Variants in COPA observed in about 807,000 individuals in gnomAD.
COPA encodes the protein coat protein complex I subunit alpha.
A neutral mutation model predicts 158.7 loss-of-function variants in COPA; 10 were observed. The ratio of observed to expected loss-of-function variants is 0.06; its 90% CI spans 0.04 to 0.11. COPA has a LOEUF of 0.11. Ranked by LOEUF, COPA falls within the 10% of genes least tolerant of loss-of-function variation. The pLI is 1.00. For synonymous variants in COPA, 462 were observed against 542.8 expected (o/e 0.85, Z 2.07); for missense variants, 1,065 against 1,536.7 (o/e 0.69, Z 5.13).
intron 3 of COPA, among the ~76,000 whole-genome samples, chr1:160,336,146 G>A (rs1020538018): frequency 4.6e-5 from 7 of 151,766 alleles, no homozygotes; most frequent in African/African-American, 1.7e-4. Context: ...AGGAGTTTGG[G>A]ACCGGCCTGG....
At position 160,296,849 on chromosome 1, in the gene COPA, A is replaced by G. The variant is rs141822283; in HGVS notation, c.2263+494T>C. 7.7e-4 allele frequency among the ~76,000 whole-genome samples: 117 copies of G among 152,306 alleles called. 1 individual carries two copies. Among genetic ancestry groups the G allele is most frequent in the African/African-American group, 2.7e-3 (113 of 41,554 alleles). ...AATCATGTTGTTTCTACCTTAAAAT[A>G]TATCCTGAATCTGACCACTGCTCAC... On this transcript the variant is annotated intron_variant, in intron 21 of 32. Coordinates refer to ENST00000241704, the MANE Select transcript of COPA (RefSeq NM_004371.4).
At position 160,311,904 on chromosome 1, in the gene COPA, T is replaced by C; in HGVS notation, c.1040A>G (p.Asn347Ser). 6.2e-7 allele frequency: 1 copy of C among 1,614,088 alleles called. No individual in the cohort carries two copies. The change falls in exon 11 of 33, where the codon AAC (asparagine) becomes AGC (serine). Residue 347 changes from asparagine (N) to serine (S), a missense_variant. Asn to Ser is a conservative substitution (Grantham distance 46). Transcript: ENST00000241704. ...CATCACAGCTACATCTTTGGAGCTG[T>C]TGAAATCCAGCTGTCGTAAGAATCG... Reference protein sequence around the residue: ...KDRFLRQLDFNSSKDVAVMQL... With the variant: ...KDRFLRQLDFSSSKDVAVMQL...
chr1:160,322,303 T>C (rs889597797), intron 8 of COPA, among the ~76,000 whole-genome samples: 3 of 151,906 alleles, frequency 2.0e-5, no homozygotes, highest in Admixed American at 2.0e-4. Flanking sequence ...CAGATATAAA[T>C]CCACAAATCT....
intron 17 of COPA, among the ~76,000 whole-genome samples, chr1:160,304,263 C>T (rs1279659009): frequency 4.0e-5 from 6 of 151,842 alleles, no homozygotes; most frequent in Admixed American, 2.0e-4. Flanking sequence ...ATCTGCCTGC[C>T]TCAGCCTCCC....
rs1658824361 is a variant in COPA, at chr1:160,307,343, C to G, written c.1220-98G>C. The G allele has an allele frequency of 3.5e-6, 4 of 1,150,626 alleles. No homozygotes were observed. In the African/African-American group the frequency reaches 4.5e-5, roughly 13 times the overall value. 71.3% of individuals were successfully genotyped at this position (1,150,626 alleles called of 1,614,324 possible). A position where few individuals can be genotyped will look rare whatever the true frequency, so the allele number is the denominator to read the frequency against. ...AGCTGCCAGTCTTGCTGGATGCCAT[C>G]TTGGCTTTGCCAGTTGAGCTGCTTC... On this transcript the variant is annotated intron_variant, in intron 13 of 32. Coordinates refer to ENST00000241704, the MANE Select transcript of COPA (RefSeq NM_004371.4).
rs560852052 is a variant in COPA, at chr1:160,325,392, C to T, written c.606+151G>A. On this transcript the variant is annotated intron_variant, in intron 7 of 32. Coordinates refer to ENST00000241704, the MANE Select transcript of COPA (RefSeq NM_004371.4). Reference sequence around the variant, plus strand: ...TAAGCTTCATTTCTCTGTTGGTTCACGCACAATTTGATTTCTAGTACCTCA... The same window carrying T: ...TAAGCTTCATTTCTCTGTTGGTTCATGCACAATTTGATTTCTAGTACCTCA... The T allele has an allele frequency of 7.0e-5, 46 of 657,544 alleles. No homozygotes were observed. The East Asian group carries it at 9.6e-4, about 14-fold the overall frequency. The allele number at this position is 657,544 out of a possible 1,614,324, so 40.7% of individuals were successfully genotyped here.
intron 8 of COPA, 106 bp from the exon 9 acceptor site, chr1:160,314,231 G>A: frequency 1.7e-6 from 2 of 1,201,930 alleles, no homozygotes; most frequent in Non-Finnish European, 2.3e-6. Flanking sequence ...ATTACAGAAT[G>A]CTAAATTGCC....
intron 17 of COPA, among the ~76,000 whole-genome samples, chr1:160,303,372 TAGAC>T (rs1427000494): frequency 5.3e-5 from 8 of 152,224 alleles, no homozygotes; most frequent in African/African-American, 1.4e-4. Context: ...AGAGCAGAGA[TAGAC>T]AGACCACATT....
Position 160,332,497 on chromosome 1 carries a change from C to T in COPA, c.447G>A (p.Leu149=), listed in dbSNP as rs1206583154. 6.2e-7 allele frequency: 1 copy of T among 1,613,798 alleles called. No homozygotes were observed. Reference sequence around the variant, plus strand: ...TCTGGTCCAGGCTGGCTGATACTACCAAGTCTTCTGTGGGGTGGAACTGAG... The same window carrying T: ...TCTGGTCCAGGCTGGCTGATACTACTAAGTCTTCTGTGGGGTGGAACTGAG... ...MCAQFHPTED[L]VVSASLDQTV... is the part of the protein sequence containing the mutation. Residue 149 remains leucine, a synonymous_variant, in exon 6 of 33, where the codon TTG becomes TTA. Coordinates refer to ENST00000241704, the MANE Select transcript of COPA (RefSeq NM_004371.4).
At chr1:160,337,054 T>C (rs1045754058) in intron 3 of COPA, among the ~76,000 whole-genome samples, 1 of 152,200 alleles carries the variant, frequency 6.6e-6, no homozygotes. Flanking sequence ...TAAATACACA[T>C]GTACACAGTA....
chr1:160,339,879 T>G, intron 3 of COPA, 30 bp downstream of exon 3: 1 of 1,589,724 alleles, frequency 6.3e-7, no homozygotes, highest in Non-Finnish European at 8.6e-7. Context: ...CCTCTTTCCT[T>G]TATTCTCAGT....
Position 160,290,087 on chromosome 1 carries a change from T to C in COPA, c.*70A>G. ...AGTAGCTGCAGGGGGAAGGTGCTGT[T>C]AGAAGGAGGATATAGACACATTCTC... On this transcript the variant is annotated 3_prime_UTR_variant, in exon 33 of 33. Transcript: ENST00000241704. 1 of 1,413,714 alleles carries C rather than the reference T, an allele frequency of 7.1e-7. No homozygotes were observed. Among genetic ancestry groups the C allele is most frequent in the Non-Finnish European group, 1.0e-6 (1 of 1,001,682 alleles). 87.6% of individuals were successfully genotyped at this position (1,413,714 alleles called of 1,614,324 possible).
At chr1:160,330,127 C>A (rs72706680) in intron 6 of COPA, among the ~76,000 whole-genome samples, 8,538 of 151,898 alleles carry the variant, frequency 0.056, 328 homozygotes, top group Non-Finnish European at 0.089. Context: ...GCCACCCCCC[C>A]CAAAAAAAAA....
At position 160,297,572 on chromosome 1, in the gene COPA, G is replaced by A. The variant is rs1364280279; in HGVS notation, c.2151C>T (p.Arg717=). ...GGGCCTCACCAATCTTCATCATCTTGCGAAGTTTTTCTAAGTTGCCAGTGA... is the reference window on the plus strand; with the variant it reads ...GGGCCTCACCAATCTTCATCATCTTACGAAGTTTTTCTAAGTTGCCAGTGA... ...YLITGNLEKL[R]KMMKIAEIRK... The change falls in exon 20 of 33, where the codon CGC becomes CGT. Residue 717 remains arginine, a synonymous_variant. Transcript: ENST00000241704. The A allele has an allele frequency of 6.2e-7, 1 of 1,613,846 alleles. No homozygotes were observed. Among genetic ancestry groups the A allele is most frequent in the African/African-American group, 1.3e-5 (1 of 74,858 alleles).
At position 160,312,273 on chromosome 1, in the gene COPA, G is replaced by C. The variant is rs1658992159; in HGVS notation, c.926-255C>G. Among the ~76,000 whole-genome samples, 3 of 152,098 alleles carry C rather than the reference G, an allele frequency of 2.0e-5. No homozygotes were observed. In the South Asian group the frequency reaches 6.2e-4, roughly 32 times the overall value. On this transcript the variant is annotated intron_variant, in intron 10 of 32. Transcript: ENST00000241704. ...CTTTTCTGTGTTCCCCTAATGCTTT[G>C]TACAAACCTCCATTACAGTACTTAT...
Position 160,293,125 on chromosome 1 carries a change from T to A in COPA, c.2823+41A>T, listed in dbSNP as rs367961082. On this transcript the variant is annotated intron_variant, in intron 27 of 32. Coordinates refer to ENST00000241704, the MANE Select transcript of COPA (RefSeq NM_004371.4). ...TGAGTCAACCATCTCCCGGGGACCCTGGGCTAGGCACACTCAAGAGGAAAA... is the reference window on the plus strand; with the variant it reads ...TGAGTCAACCATCTCCCGGGGACCCAGGGCTAGGCACACTCAAGAGGAAAA... The A allele has an allele frequency of 1.3e-5, 21 of 1,601,838 alleles. No individual in the cohort carries two copies. In the African/African-American group the frequency reaches 2.8e-4, roughly 21 times the overall value.
At chr1:160,308,123 T>A (rs1181238715) in intron 13 of COPA, among the ~76,000 whole-genome samples, 2 of 151,826 alleles carry the variant, frequency 1.3e-5, no homozygotes, top group Admixed American at 1.3e-4. Flanking sequence ...AAAATAAAAG[T>A]GGTAATAAAA....
At position 160,290,038 on chromosome 1, in the gene COPA, G is replaced by A. The variant is rs1401332580; in HGVS notation, c.*119C>T. Reference sequence around the variant, plus strand: ...GAAGAGAAAAAGATACTAGGTTTTAGGGTACAGAGAGCCAGATCTGAAGAG... The same window carrying A: ...GAAGAGAAAAAGATACTAGGTTTTAAGGTACAGAGAGCCAGATCTGAAGAG... On this transcript the variant is annotated 3_prime_UTR_variant, in exon 33 of 33. Coordinates refer to ENST00000241704, the MANE Select transcript of COPA (RefSeq NM_004371.4). 3 of 922,840 alleles carry A rather than the reference G, an allele frequency of 3.3e-6. No individual in the cohort carries two copies. The African/African-American group carries it at 5.0e-5, about 15-fold the overall frequency. The allele number at this position is 922,840 out of a possible 1,614,324, so 57.2% of individuals were successfully genotyped here.
At chr1:160,299,382 G>C in intron 17 of COPA, 118 bp from the exon 18 acceptor site, 1 of 986,658 alleles carries the variant, frequency 1.0e-6, no homozygotes, top group Non-Finnish European at 1.5e-6. Flanking sequence ...GATATAGATG[G>C]GAAGTGATTC....
Sources: gnomAD v4.1 joint callset for allele counts (sites outside exome capture counted in the v4.1 genomes callset) on GRCh38, gnomAD v4.1.1 for gene constraint, MANE v1.5 for transcripts, NCBI Gene and HGNC (gene_info 2026-07-23, HGNC 2026-07-21) for gene names.